Variants in ZNF341 observed in about 807,000 individuals in gnomAD.
The protein encoded by ZNF341 is zinc finger protein 341.
In ZNF341, 52 loss-of-function variants were observed where a neutral mutation model predicts 87.7. The observed-to-expected ratio is 0.59, with a 90% CI of 0.47 to 0.75. ZNF341 has a LOEUF of 0.75. Among genes scored for constraint, ZNF341 ranks in the 30% least tolerant of loss-of-function variants. The probability of loss-of-function intolerance (pLI) is 0.00; values close to 1 mark genes in which losing one functional copy is unlikely to be tolerated. For missense variants in ZNF341, 977 were observed against 1,145.9 expected (o/e 0.85, Z 2.13); for synonymous variants, 459 against 472.7 (o/e 0.97, Z 0.38).
intron 1 of ZNF341, among the ~76,000 whole-genome samples, chr20:33,733,562 G>A (rs1287677991): frequency 1.6e-4 from 24 of 151,572 alleles, no homozygotes; most frequent in Admixed American, 1.6e-3. Flanking sequence ...TAATAGAGAC[G>A]GAGTTTCACC....
intron 8 of ZNF341, among the ~76,000 whole-genome samples, chr20:33,762,394 T>C (rs914444209): frequency 1.3e-5 from 2 of 151,844 alleles, no homozygotes; most frequent in African/African-American, 4.8e-5. Flanking sequence ...TGACTTTGGG[T>C]AATTGAAATC....
At chr20:33,768,136 T>TTC (rs1568586346) in intron 9 of ZNF341, among the ~76,000 whole-genome samples, 4 of 150,536 alleles carry the variant, frequency 2.7e-5, no homozygotes, top group African/African-American at 7.3e-5. Context: ...GTTTTTTTTT[T>TTC]CCCCCCGAGG....
Position 33,758,139 on chromosome 20 carries a change from GAGAC to G in ZNF341, c.938-570_938-567del, listed in dbSNP as rs1207975762. 2.6e-5 allele frequency among the ~76,000 whole-genome samples: 4 copies of G among 152,164 alleles called. No individual in the cohort carries two copies. In the South Asian group the frequency reaches 8.3e-4, roughly 32 times the overall value. On this transcript the variant is annotated intron_variant, in intron 6 of 14. Transcript: ENST00000375200. ...TCCTTCTGCCTTCAGTTTAATGGAA[GAGAC>G]AGACAGGGAATAAATAAATAAATAT...
At position 33,767,192 on chromosome 20, in the gene ZNF341, G is replaced by T. The variant is rs1012048763; in HGVS notation, c.1413+151G>T. 9.2e-6 allele frequency: 9 copies of T among 975,880 alleles called. No homozygotes were observed. The Admixed American group carries it at 1.9e-4, about 20-fold the overall frequency. The allele number at this position is 975,880 out of a possible 1,614,324, so 60.5% of individuals were successfully genotyped here. On this transcript the variant is annotated intron_variant, in intron 9 of 14. Transcript: ENST00000375200. The stretch of plus-strand genomic sequence containing the variant: ...CCCCCGGGTTAGATTCCGAGCAGGG[G>T]ATTGATGAAGTAAGGTTACCCTTGG...
Position 33,767,960 on chromosome 20 carries a change from T to C in ZNF341, c.1413+919T>C, listed in dbSNP as rs554439120. Among the ~76,000 whole-genome samples the C allele has an allele frequency of 2.0e-5, 3 of 152,284 alleles. No homozygotes were observed. The East Asian group carries it at 5.8e-4, about 29-fold the overall frequency. ...GGCTGCTATGTCTCCATACATCAAA[T>C]GTGTATTCCAGTCAAGATAAACAGA... On this transcript the variant is annotated intron_variant, in intron 9 of 14. Transcript: ENST00000375200.
intron 12 of ZNF341, among the ~76,000 whole-genome samples, chr20:33,785,880 A>G (rs909826515): frequency 6.6e-6 from 1 of 152,058 alleles, no homozygotes; most frequent in Non-Finnish European, 1.5e-5. Context: ...GTGTGCTTAC[A>G]GTTCCCCTGG....
At chr20:33,789,469 G>A (rs770933023) in intron 13 of ZNF341, 49 bp from the exon 14 acceptor site, 8 of 1,601,174 alleles carry the variant, frequency 5.0e-6, no homozygotes, top group Non-Finnish European at 6.0e-6. Flanking sequence ...GCCAGCAAGA[G>A]GATCCTAAGC....
At chr20:33,790,238 A>G (rs983346048) in intron 14 of ZNF341, among the ~76,000 whole-genome samples, 7 of 151,934 alleles carry the variant, frequency 4.6e-5, no homozygotes, top group African/African-American at 1.7e-4. Flanking sequence ...CACCCAGCTA[A>G]TTTTTGTATT....
chr20:33,784,435 C>A (rs1237825846), intron 12 of ZNF341, among the ~76,000 whole-genome samples: 2 of 71,410 alleles, frequency 2.8e-5, no homozygotes, highest in African/African-American at 1.3e-4. Context: ...CCTCCAGCCC[C>A]CTCCCCCTCC....
chr20:33,785,709 C>G (rs1447551519), intron 12 of ZNF341, among the ~76,000 whole-genome samples: 1 of 152,184 alleles, frequency 6.6e-6, no homozygotes, highest in Non-Finnish European at 1.5e-5. Context: ...ACTCCTAATT[C>G]TCTTCCCCAA....
Position 33,766,972 on chromosome 20 carries a change from A to G in ZNF341, c.1344A>G (p.Gln448=), listed in dbSNP as rs1211749695. 1.9e-6 allele frequency: 3 copies of G among 1,614,194 alleles called. No homozygotes were observed. In the East Asian group the frequency reaches 6.7e-5, roughly 36 times the overall value. Reference sequence around the variant, plus strand: ...TCATCGACAGCTCCTACCTGTGCCAATTCTGCCCCAGCAAATTCAGCACCT... The same window carrying G: ...TCATCGACAGCTCCTACCTGTGCCAGTTCTGCCCCAGCAAATTCAGCACCT... ...VVLIDSSYLC[Q]FCPSKFSTYF... The change falls in exon 9 of 15, where the codon CAA becomes CAG. Residue 448 remains glutamine, a synonymous_variant. Transcript: ENST00000375200.
At chr20:33,777,851 C>T (rs1004131062) in intron 10 of ZNF341, among the ~76,000 whole-genome samples, 19 of 152,254 alleles carry the variant, frequency 1.2e-4, no homozygotes, top group Admixed American at 1.2e-3. Flanking sequence ...ACAGTTCCTC[C>T]TTCTGTCTTT....
intron 9 of ZNF341, among the ~76,000 whole-genome samples, chr20:33,769,876 A>C (rs963743023): frequency 2.0e-5 from 3 of 152,138 alleles, no homozygotes; most frequent in Admixed American, 2.0e-4. Flanking sequence ...GTACCACTGC[A>C]CTCCAGCCTG....
Position 33,766,989 on chromosome 20 carries a change from T to G in ZNF341, c.1361T>G (p.Phe454Cys), listed in dbSNP as rs773442775. ...SYLCQFCPSK[F>C]STYFQLKSHM... ...CTGTGCCAATTCTGCCCCAGCAAAT[T>G]CAGCACCTACTTCCAGCTCAAGTCT... The change falls in exon 9 of 15, where the codon TTC (phenylalanine) becomes TGC (cysteine). Residue 454 changes from phenylalanine to cysteine, a missense_variant. By Grantham distance (205) the Phe-to-Cys change is radical. Coordinates refer to ENST00000375200, the MANE Select transcript of ZNF341 (RefSeq NM_001282933.2). 2 of 1,614,016 alleles carry G rather than the reference T, an allele frequency of 1.2e-6. No homozygotes were observed. Among genetic ancestry groups the G allele is most frequent in the Non-Finnish European group, 1.7e-6 (2 of 1,180,020 alleles).
intron 10 of ZNF341, among the ~76,000 whole-genome samples, chr20:33,779,257 T>C (rs545674340): frequency 6.6e-6 from 1 of 151,832 alleles, no homozygotes; most frequent in Non-Finnish European, 1.5e-5. Context: ...AACAGCTAGA[T>C]CTCATGAGAA....
intron 7 of ZNF341, among the ~76,000 whole-genome samples, chr20:33,760,876 A>T (rs146094213): frequency 2.0e-5 from 3 of 152,234 alleles, no homozygotes; most frequent in Non-Finnish European, 2.9e-5. Context: ...CATATGGCTT[A>T]TGTCTACCTT....
chr20:33,776,633 GC>G (rs1424853975), intron 10 of ZNF341, among the ~76,000 whole-genome samples: 1 of 152,146 alleles, frequency 6.6e-6, no homozygotes, highest in East Asian at 1.9e-4. Flanking sequence ...CGGTCCACCT[GC>G]CTTGTTCTCC....
chr20:33,783,923 CTCATGCCTTT>C, intron 12 of ZNF341, 59 bp downstream of exon 12: 1 of 1,528,922 alleles, frequency 6.5e-7, no homozygotes, highest in Non-Finnish European at 8.9e-7. Context: ...TCCCCCTCTC[CTCATGCCTTT>C]CTCTCTCTTC....
At chr20:33,753,509 C>A in intron 5 of ZNF341, 86 bp downstream of exon 5, 2 of 1,446,280 alleles carry the variant, frequency 1.4e-6, no homozygotes, top group Non-Finnish European at 1.8e-6. Context: ...AGCTGTGTGC[C>A]AGACACTGTG....
Sources: gnomAD v4.1 joint callset for allele counts (sites outside exome capture counted in the v4.1 genomes callset) on GRCh38, gnomAD v4.1.1 for gene constraint, MANE v1.5 for transcripts, NCBI Gene and HGNC (gene_info 2026-07-23, HGNC 2026-07-21) for gene names.